Variants in ATP9A observed in about 807,000 individuals in gnomAD.
ATP9A encodes the protein ATPase phospholipid transporting 9A, also known as probable phospholipid-transporting ATPase IIA.
In ATP9A, 52 loss-of-function variants were observed where a neutral mutation model predicts 144.1. That is an observed-to-expected ratio of 0.36 (90% CI 0.29 to 0.45). The LOEUF is 0.45. Among genes scored for constraint, ATP9A ranks in the 20% least tolerant of loss-of-function variants. The pLI is 1.00. For synonymous variants in ATP9A, 582 were observed against 557.4 expected (o/e 1.04, Z -0.62); for missense variants, 947 against 1,392.7 (o/e 0.68, Z 5.09).
At chr20:51,640,043 C>T (rs1253124232) in intron 14 of ATP9A, among the ~76,000 whole-genome samples, 1 of 152,158 alleles carries the variant, frequency 6.6e-6, no homozygotes, top group African/African-American at 2.4e-5. Context: ...TGAGATCACG[C>T]CATTGCACTC....
chr20:51,762,089 G>A (rs977302127), intron 1 of ATP9A, among the ~76,000 whole-genome samples: 3 of 152,094 alleles, frequency 2.0e-5, no homozygotes, highest in African/African-American at 7.2e-5. Flanking sequence ...GCCGGGCCAG[G>A]GTCAGTGGCT....
intron 2 of ATP9A, 93 bp downstream of exon 2, chr20:51,729,741 T>C: frequency 7.3e-7 from 1 of 1,376,588 alleles, no homozygotes; most frequent in Non-Finnish European, 9.6e-7. Flanking sequence ...TAAGACTCTG[T>C]CTAAAAAATA....
At chr20:51,644,548 G>T (rs1341961756) in intron 14 of ATP9A, among the ~76,000 whole-genome samples, 1 of 151,970 alleles carries the variant, frequency 6.6e-6, no homozygotes, top group Non-Finnish European at 1.5e-5. Context: ...GGAATTACAG[G>T]CATGGGCCAT....
intron 14 of ATP9A, among the ~76,000 whole-genome samples, chr20:51,648,269 G>A (rs1202155849): frequency 1.3e-5 from 2 of 152,166 alleles, no homozygotes; most frequent in Admixed American, 6.5e-5. Context: ...AGGACCGCGA[G>A]ATTGCCTGCC....
chr20:51,602,286 T>C (rs2122701874), intron 27 of ATP9A, among the ~76,000 whole-genome samples: 1 of 152,298 alleles, frequency 6.6e-6, no homozygotes, highest in South Asian at 2.1e-4. Context: ...AATAAGCCCC[T>C]TCTCCACTTT....
intron 9 of ATP9A, among the ~76,000 whole-genome samples, chr20:51,683,548 C>T (rs1568818945): frequency 6.6e-6 from 1 of 152,172 alleles, no homozygotes; most frequent in Non-Finnish European, 1.5e-5. Flanking sequence ...TCCCAAAGTG[C>T]TGGGATTATA....
rs188492684 is a variant in ATP9A, at chr20:51,606,674, G to A, written c.2803+853C>T. Among the ~76,000 whole-genome samples the A allele has an allele frequency of 2.3e-3, 350 of 152,328 alleles. 1 individual carries two copies. The highest frequency in any genetic ancestry group is 8.3e-3 in the African/African-American group (344 of 41,562). On this transcript the variant is annotated intron_variant, in intron 26 of 27. Coordinates refer to ENST00000338821, the MANE Select transcript of ATP9A (RefSeq NM_006045.3). ...CAGCACAGCATGAGGTCATCTTGCTGGACCTGCAGGGACTCGTGGCTCACA... is the reference window on the plus strand; with the variant it reads ...CAGCACAGCATGAGGTCATCTTGCTAGACCTGCAGGGACTCGTGGCTCACA...
chr20:51,697,843 C>G (rs2077577286), intron 4 of ATP9A, among the ~76,000 whole-genome samples: 2 of 152,156 alleles, frequency 1.3e-5, no homozygotes, highest in South Asian at 4.1e-4. Context: ...GGAAAAAAGT[C>G]TTAATTTTCA....
Position 51,622,142 on chromosome 20 carries a change from T to C in ATP9A, c.2047A>G (p.Thr683Ala), listed in dbSNP as rs1568789297. Residue 683 changes from threonine (T) to alanine (A), a missense_variant, in exon 19 of 28, where the codon ACA becomes GCA. This residue lies in a region of ATP9A where 770 missense variants were observed against 1,047.9 expected (regional missense o/e 0.73). Coordinates refer to ENST00000338821, the MANE Select transcript of ATP9A (RefSeq NM_006045.3). ...VWMLTGDKLE[T>A]ATCTAKNAHL... Reference sequence around the variant, plus strand: ...GCATTCTTCGCTGTGCACGTAGCTGTCTCCAGCTTGTCCCCTGTCAGCATC... The same window carrying C: ...GCATTCTTCGCTGTGCACGTAGCTGCCTCCAGCTTGTCCCCTGTCAGCATC... The C allele has an allele frequency of 6.2e-7, 1 of 1,614,122 alleles. No homozygotes were observed.
rs115596726 is a variant in ATP9A, at chr20:51,634,582, C to T, written c.1668+4761G>A. 6.3e-4 allele frequency among the ~76,000 whole-genome samples: 96 copies of T among 152,222 alleles called. 1 individual carries two copies. Among genetic ancestry groups the T allele is most frequent in the African/African-American group, 2.2e-3 (90 of 41,546 alleles). On this transcript the variant is annotated intron_variant, in intron 15 of 27. Transcript: ENST00000338821. ...AAAAATCCCCTAACATAGGGCCGAG[C>T]GTGGCGGCTCACTTCTGTATCCCAG... is the stretch of plus-strand genomic sequence containing the variant.
intron 15 of ATP9A, among the ~76,000 whole-genome samples, chr20:51,637,474 G>T (rs1025021433): frequency 2.0e-5 from 3 of 152,104 alleles, no homozygotes; most frequent in African/African-American, 7.2e-5. Context: ...GAGAAGACAG[G>T]TGGTGACAAG....
intron 13 of ATP9A, among the ~76,000 whole-genome samples, chr20:51,668,699 T>G (rs2077444051): frequency 6.6e-6 from 1 of 152,162 alleles, no homozygotes; most frequent in East Asian, 1.9e-4. Flanking sequence ...CATGGATCCA[T>G]TTGGAGACCA....
intron 4 of ATP9A, among the ~76,000 whole-genome samples, chr20:51,711,789 T>G (rs1205697): frequency 0.67 from 84,420 of 125,546 alleles, 25,635 homozygotes; most frequent in African/African-American, 0.83. Context: ...ATCTTGCAAG[T>G]GGGGGGTCAG....
chr20:51,690,946 G>T, intron 7 of ATP9A, 127 bp from the exon 8 acceptor site: 1 of 766,146 alleles, frequency 1.3e-6, no homozygotes, highest in Non-Finnish European at 2.2e-6. Flanking sequence ...AAAATTACAG[G>T]GGAGGTGGAA....
At chr20:51,713,126 A>C (rs753352549) in intron 3 of ATP9A, 52 bp from the exon 4 acceptor site, 1 of 1,525,174 alleles carries the variant, frequency 6.6e-7, no homozygotes, top group South Asian at 1.2e-5. Context: ...GCCCTGCTGC[A>C]GCCAACCGTC....
chr20:51,718,376 G>A (rs749882209), intron 3 of ATP9A, among the ~76,000 whole-genome samples: 6 of 151,192 alleles, frequency 4.0e-5, no homozygotes, highest in Non-Finnish European at 8.8e-5. Flanking sequence ...GTGTGTGTGG[G>A]GGGGGGTTGT....
chr20:51,658,758 G>A (rs1416375006), intron 13 of ATP9A, among the ~76,000 whole-genome samples: 3 of 151,754 alleles, frequency 2.0e-5, no homozygotes, highest in Non-Finnish European at 4.4e-5. Context: ...GACCTCAAGC[G>A]ATCCGCCTGC....
Position 51,604,830 on chromosome 20 carries a change from TA to T in ATP9A, c.2993del (p.Leu998TyrfsTer84). ...LACYIASLVFLHEFIDVYFIA... is the reference protein window; with the variant it reads ...LACYIASLVFXHEFIDVYFIA... The stretch of plus-strand genomic sequence containing the variant: ...CAGGGGTCTTACCGATGAACTCGTG[TA>T]AGAACACCAGGGAGGCGATGTAGCA... On this transcript the variant is annotated frameshift_variant, in exon 27 of 28. Transcript: ENST00000338821. LOFTEE classifies it high-confidence loss of function. 1 of 1,522,978 alleles carries T rather than the reference TA, an allele frequency of 6.6e-7. No homozygotes were observed. The allele number at this position is 1,522,978 out of a possible 1,614,324, so 94.3% of individuals were successfully genotyped here. A position where few individuals can be genotyped will look rare whatever the true frequency, so the allele number is the denominator to read the frequency against.
At chr20:51,650,770 A>C (rs1364576694) in intron 14 of ATP9A, among the ~76,000 whole-genome samples, 1 of 152,016 alleles carries the variant, frequency 6.6e-6, no homozygotes, top group African/African-American at 2.4e-5. Context: ...AGAACTGCTG[A>C]TTCATTGCTC....
Sources: allele counts gnomAD v4.1 joint callset (sites outside exome capture counted in the v4.1 genomes callset), GRCh38; gene constraint gnomAD v4.1.1; regional missense constraint gnomAD v4.1.1; transcripts MANE v1.5; gene names NCBI Gene and HGNC (gene_info 2026-07-23, HGNC 2026-07-21).